The following DNAH7 variants were observed in gnomAD, a reference collection of about 807,000 sequenced individuals.
DNAH7 encodes the protein axonemal beta dynein heavy chain 7.
A neutral mutation model predicts 444.6 loss-of-function variants in DNAH7; 397 were observed. The observed-to-expected ratio is 0.89, with a 90% CI of 0.82 to 0.97. The LOEUF is 0.97. Among genes scored for constraint, DNAH7 ranks in the 50% least tolerant of loss-of-function variants. DNAH7 has a pLI of 0.00. For synonymous variants in DNAH7, 1,636 were observed against 1,624.4 expected (o/e 1.01, Z -0.17); for missense variants, 4,902 against 4,800.8 (o/e 1.02, Z -0.62).
At chr2:195,856,125 A>G (rs996793682) in intron 44 of DNAH7, 134 bp from the exon 45 acceptor site, 10 of 793,454 alleles carry the variant, frequency 1.3e-5, no homozygotes, top group South Asian at 1.0e-4. Flanking sequence ...ACCGATTTCC[A>G]TATTTCCTGT....
chr2:195,955,425 T>C (rs530502218), intron 19 of DNAH7, among the ~76,000 whole-genome samples: 1 of 152,330 alleles, frequency 6.6e-6, no homozygotes, highest in African/African-American at 2.4e-5. Context: ...TTGGTTACTG[T>C]AGCCTTGTAG....
chr2:195,881,302 T>C (rs1701362350), intron 36 of DNAH7, among the ~76,000 whole-genome samples: 1 of 152,210 alleles, frequency 6.6e-6, no homozygotes, highest in African/African-American at 2.4e-5. Context: ...CAAAAGTATC[T>C]TCATTCTCCT....
intron 24 of DNAH7, 38 bp from the exon 25 acceptor site, chr2:195,910,233 G>C (rs1250898272): frequency 6.8e-7 from 1 of 1,467,722 alleles, no homozygotes; most frequent in Non-Finnish European, 9.1e-7. Flanking sequence ...GTAGAATAAT[G>C]TGATTTTTTT....
intron 49 of DNAH7, among the ~76,000 whole-genome samples, chr2:195,818,817 T>C (rs1697338397): frequency 6.6e-6 from 1 of 152,188 alleles, no homozygotes; most frequent in Non-Finnish European, 1.5e-5. Context: ...ATCCTCACTT[T>C]TTTTTTCATG....
intron 5 of DNAH7, among the ~76,000 whole-genome samples, chr2:196,029,953 T>C (rs1045844297): frequency 1.3e-5 from 2 of 152,070 alleles, no homozygotes; most frequent in African/African-American, 4.8e-5. Context: ...AAAAAAATGG[T>C]AGTGAAATAA....
intron 15 of DNAH7, among the ~76,000 whole-genome samples, chr2:195,974,745 A>G (rs1692068946): frequency 7.5e-6 from 1 of 133,338 alleles, no homozygotes; most frequent in African/African-American, 2.8e-5. Flanking sequence ...ATAGGCATGT[A>G]TGTATATTTT....
Position 195,897,711 on chromosome 2 carries a change from C to T in DNAH7, c.4603G>A (p.Val1535Ile). The T allele has an allele frequency of 6.4e-7, 1 of 1,569,822 alleles. No homozygotes were observed. Among genetic ancestry groups the T allele is most frequent in the Non-Finnish European group, 8.7e-7 (1 of 1,153,890 alleles). ...EILLLRSIID[V>I]NLPKFLSHDL... ...TGGGATAAAAATTTTGGCAGATTTA[C>T]ATCAATGATAGATCTAAGCAGCAAA... The change falls in exon 29 of 65, where the codon GTA (valine) becomes ATA (isoleucine). Residue 1535 changes from valine (V) to isoleucine (I), a missense_variant. By Grantham distance (29) the Val-to-Ile change is conservative (BLOSUM62 3). Coordinates refer to ENST00000312428, the MANE Select transcript of DNAH7 (RefSeq NM_018897.3).
chr2:196,003,023 A>C (rs1694139946), intron 10 of DNAH7, among the ~76,000 whole-genome samples: 1 of 152,058 alleles, frequency 6.6e-6, no homozygotes, highest in South Asian at 2.1e-4. Flanking sequence ...AGAAAAAAAA[A>C]AAAGATGGTA....
intron 15 of DNAH7, among the ~76,000 whole-genome samples, chr2:195,977,130 C>A (rs1692264637): frequency 6.6e-6 from 1 of 152,100 alleles, no homozygotes; most frequent in Non-Finnish European, 1.5e-5. Flanking sequence ...GAAAACATAA[C>A]CTCATCAAAC....
Position 195,866,582 on chromosome 2 carries a change from C to A in DNAH7, c.6634-1561G>T, listed in dbSNP as rs1700355321. 2.0e-5 allele frequency among the ~76,000 whole-genome samples: 3 copies of A among 152,260 alleles called. No individual in the cohort carries two copies. In the South Asian group the frequency reaches 6.2e-4, roughly 32 times the overall value. ...AACAAGTATATTATTATCTAGCTGG[C>A]AGTTTAGCAAGAACCTATAGCAGCA... On this transcript the variant is annotated intron_variant, in intron 40 of 64. Coordinates refer to ENST00000312428, the MANE Select transcript of DNAH7 (RefSeq NM_018897.3).
At chr2:195,911,250 G>A (rs376575023) in intron 24 of DNAH7, among the ~76,000 whole-genome samples, 128 of 152,288 alleles carry the variant, frequency 8.4e-4, no homozygotes, top group African/African-American at 3.0e-3. Context: ...TCAAAAAATT[G>A]TGAGAGAAAA....
At chr2:195,752,343 G>C (rs1016975323) in intron 63 of DNAH7, among the ~76,000 whole-genome samples, 1 of 152,066 alleles carries the variant, frequency 6.6e-6, no homozygotes, top group Non-Finnish European at 1.5e-5. Context: ...GAACAGATGA[G>C]GGAGCAGAAG....
At chr2:195,877,224 A>C (rs1239533340) in intron 36 of DNAH7, among the ~76,000 whole-genome samples, 1 of 152,160 alleles carries the variant, frequency 6.6e-6, no homozygotes, top group African/African-American at 2.4e-5. Flanking sequence ...GGAGCTCTTC[A>C]AAATAAAATT....
chr2:195,921,574 T>G (rs1333757242), intron 24 of DNAH7, among the ~76,000 whole-genome samples: 2 of 152,054 alleles, frequency 1.3e-5, no homozygotes, highest in African/African-American at 2.4e-5. Flanking sequence ...AATGGCACAA[T>G]GGACTTTAGC....
Position 195,881,972 on chromosome 2 carries a change from T to A in DNAH7, c.5784A>T (p.Pro1928=). ...FVTEGIGKWE[P]WIKKLKEAPP... ...GAGCTTCTTTCAATTTCTTTATCCA[T>A]GGTTCCCATTTTCCTATTCCCTGTT... Residue 1928 remains proline, a synonymous_variant, in exon 36 of 65, where the codon CCA becomes CCT. Transcript: ENST00000312428. 1 of 1,613,772 alleles carries A rather than the reference T, an allele frequency of 6.2e-7. No individual in the cohort carries two copies. Among genetic ancestry groups the A allele is most frequent in the Non-Finnish European group, 8.5e-7 (1 of 1,179,820 alleles).
At chr2:195,892,396 T>C (rs1702062332) in intron 30 of DNAH7, 1 of 152,102 alleles carries the variant, frequency 6.6e-6, no homozygotes, top group African/African-American at 2.4e-5. Context: ...AAAGTTAATG[T>C]TGGTAAATTG....
chr2:195,864,475 C>T lies in DNAH7; in HGVS notation c.7180G>A (p.Gly2394Ser). The change falls in exon 41 of 65, where the codon GGT (glycine) becomes AGT (serine). Residue 2394 changes from glycine (G) to serine (S), a missense_variant. By Grantham distance (56) the Gly-to-Ser change is moderately conservative (BLOSUM62 0). Coordinates refer to ENST00000312428, the MANE Select transcript of DNAH7 (RefSeq NM_018897.3). The part of the protein sequence containing the change: ...LRKCAEGEMQ[G>S]VFLFTDTQIK... The stretch of plus-strand genomic sequence containing the variant: ...TGAGTATCTGTAAACAGGAAGACAC[C>T]CTGCATCTCACCTTCCGCACATTTC... The T allele has an allele frequency of 6.2e-7, 1 of 1,614,154 alleles. No individual in the cohort carries two copies. The highest frequency in any genetic ancestry group is 2.2e-5 in the East Asian group (1 of 44,888).
At chr2:195,934,350 T>C (rs1453178374) in intron 21 of DNAH7, among the ~76,000 whole-genome samples, 2 of 152,170 alleles carry the variant, frequency 1.3e-5, no homozygotes, top group Non-Finnish European at 2.9e-5. Flanking sequence ...AATGAGCAGA[T>C]GCATTATTCA....
intron 20 of DNAH7, among the ~76,000 whole-genome samples, 171 bp from the exon 21 acceptor site, chr2:195,934,960 G>A (rs569951964): frequency 1.8e-4 from 27 of 152,260 alleles, no homozygotes; most frequent in African/African-American, 6.5e-4. Flanking sequence ...CTGCCTACAT[G>A]CATTATATAG....
Sources: gnomAD v4.1 joint callset for allele counts (sites outside exome capture counted in the v4.1 genomes callset) on GRCh38, gnomAD v4.1.1 for gene constraint, MANE v1.5 for transcripts, NCBI Gene and HGNC (gene_info 2026-07-23, HGNC 2026-07-21) for gene names.